Variants in BYSL observed in about 807,000 individuals in gnomAD.
The protein encoded by BYSL is bystin.
A neutral mutation model predicts 45.4 loss-of-function variants in BYSL; 21 were observed. The observed-to-expected ratio is 0.46, with a 90% CI of 0.33 to 0.67. BYSL has a LOEUF of 0.67. Ranked by LOEUF, BYSL falls within the 30% of genes least tolerant of loss-of-function variation. The pLI is 0.02. For missense variants in BYSL, 522 were observed against 578.5 expected (o/e 0.90, Z 1.00); for synonymous variants, 215 against 231.3 (o/e 0.93, Z 0.64).
chr6:41,921,139 C>G, upstream of BYSL: 1 of 1,352,764 alleles, frequency 7.4e-7, no homozygotes, highest in South Asian at 1.3e-5. Flanking sequence ...TCCGGAAATA[C>G]GTAAAAACAG....
chr6:41,926,306 T>G (rs569499943), intron 1 of BYSL, among the ~76,000 whole-genome samples: 10 of 152,214 alleles, frequency 6.6e-5, no homozygotes, highest in Non-Finnish European at 1.3e-4. Context: ...CCAGACTACC[T>G]GTCTTGGGCA....
chr6:41,922,587 A>G (rs923777110), intron 1 of BYSL, among the ~76,000 whole-genome samples: 10 of 152,208 alleles, frequency 6.6e-5, no homozygotes, highest in Non-Finnish European at 1.0e-4. Context: ...CTCACTTCTC[A>G]GTATCCTTGG....
chr6:41,930,067 C>T, intron 2 of BYSL, 65 bp from the exon 3 acceptor site: 4 of 1,597,982 alleles, frequency 2.5e-6, no homozygotes. Context: ...TCTGGAGCTT[C>T]CTGGACAGTG....
chr6:41,916,595 A>G (rs376504139), upstream of BYSL, among the ~76,000 whole-genome samples: 1 of 152,186 alleles, frequency 6.6e-6, no homozygotes, highest in East Asian at 1.9e-4. Context: ...AAATAAAATA[A>G]AATAAAATAA....
intron 3 of BYSL, 178 bp downstream of exon 3, chr6:41,930,448 A>T: frequency 1.6e-6 from 2 of 1,219,648 alleles, no homozygotes; most frequent in Non-Finnish European, 2.2e-6. Flanking sequence ...ATGACTTGGC[A>T]TCCTTGGGTC....
chr6:41,915,755 C>T, the BYSL span, among the ~76,000 whole-genome samples: 1 of 121,606 alleles, frequency 8.2e-6, no homozygotes, highest in Admixed American at 7.9e-5. Flanking sequence ...CCACTGCACT[C>T]CAGCCTGGGC....
At chr6:41,915,971 G>A in the BYSL span, among the ~76,000 whole-genome samples, 6 of 152,102 alleles carry the variant, frequency 3.9e-5, no homozygotes, top group Admixed American at 3.3e-4. Context: ...CTTTAGCCAG[G>A]AGTGGTGGCT....
intron 1 of BYSL, among the ~76,000 whole-genome samples, chr6:41,925,572 C>T (rs1775551723): frequency 2.0e-5 from 3 of 152,118 alleles, no homozygotes; most frequent in African/African-American, 7.2e-5. Context: ...ACCGTGTTAG[C>T]CAGGATGGTC....
chr6:41,917,028 C>T, upstream of BYSL: 1 of 1,408,418 alleles, frequency 7.1e-7, no homozygotes, highest in Admixed American at 1.8e-5. Flanking sequence ...CACAGCTCAT[C>T]AGGGCCAAAA....
chr6:41,930,514 TTA>T, intron 3 of BYSL, 119 bp from the exon 4 acceptor site: 2 of 1,363,458 alleles, frequency 1.5e-6, no homozygotes, highest in African/African-American at 2.9e-5. Context: ...TGGCACCTCC[TTA>T]TAGGTTATTG....
chr6:41,912,505 T>C, the BYSL span, among the ~76,000 whole-genome samples: 1 of 151,868 alleles, frequency 6.6e-6, no homozygotes, highest in Non-Finnish European at 1.5e-5. Context: ...TACAGGTGCC[T>C]GCCACCATGC....
chr6:41,920,968 T>TC, upstream of BYSL: 1 of 1,603,260 alleles, frequency 6.2e-7, no homozygotes. Context: ...CTTTCACAAC[T>TC]CCAAGCCCCG....
At chr6:41,931,889 C>T (rs1775646653) in intron 6 of BYSL, 59 bp downstream of exon 6, 13 of 1,516,744 alleles carry the variant, frequency 8.6e-6, no homozygotes, top group African/African-American at 4.1e-5. Context: ...GTGGAATTGC[C>T]AGGACTTGGG....
At position 41,923,595 on chromosome 6, in the gene BYSL, C is replaced by T. The variant is rs570627208; in HGVS notation, c.268+1765C>T. Reference sequence around the variant, plus strand: ...ACAGGCGTGAGCCACCGCACCTGGCCGCTAATTATTTAATTATTTGTAGAG... The same window carrying T: ...ACAGGCGTGAGCCACCGCACCTGGCTGCTAATTATTTAATTATTTGTAGAG... On this transcript the variant is annotated intron_variant, in intron 1 of 6. Transcript: ENST00000230340. Among the ~76,000 whole-genome samples the T allele has an allele frequency of 7.2e-5, 11 of 152,138 alleles. No individual in the cohort carries two copies. In the South Asian group the frequency reaches 1.5e-3, roughly 20 times the overall value.
chr6:41,917,948 G>A, upstream of BYSL: 1 of 303,614 alleles, frequency 3.3e-6, no homozygotes, highest in African/African-American at 2.2e-5. Flanking sequence ...CAGTCTTCAA[G>A]TTTATAATCT....
Position 41,932,507 on chromosome 6 carries a change from G to GT in BYSL, c.1116dup (p.Glu373Ter). Reference sequence around the variant, plus strand: ...TTCCTGGGGTTCCGGACAGAGAAGCGTGAACTGCCTGTGCTGTGGCACCAG... The same window carrying GT: ...TTCCTGGGGTTCCGGACAGAGAAGCGTTGAACTGCCTGTGCTGTGGCACCAG... On this transcript the variant is annotated frameshift_variant, in exon 7 of 7. Coordinates refer to ENST00000230340, the MANE Select transcript of BYSL (RefSeq NM_004053.4). LOFTEE classifies it high-confidence loss of function. The surrounding 1 kb of genome is among the most constrained non-coding windows in gnomAD (Gnocchi z 4.7). The GT allele has an allele frequency of 6.2e-7, 1 of 1,614,198 alleles. No homozygotes were observed. The highest frequency in any genetic ancestry group is 1.3e-5 in the African/African-American group (1 of 75,048).
chr6:41,917,937 G>A (rs994192885), upstream of BYSL: 3 of 314,124 alleles, frequency 9.6e-6, no homozygotes, highest in South Asian at 2.5e-5. Context: ...AAAAAGAAAA[G>A]CAGTCTTCAA....
chr6:41,930,799 G>A (rs1422459116), intron 4 of BYSL, 31 bp downstream of exon 4: 3 of 1,599,028 alleles, frequency 1.9e-6, no homozygotes, highest in Non-Finnish European at 2.6e-6. Flanking sequence ...GGGGCCTTGG[G>A]TTTATAGGTG....
chr6:41,926,531 A>G (rs1775565923), intron 1 of BYSL, among the ~76,000 whole-genome samples: 1 of 151,514 alleles, frequency 6.6e-6, no homozygotes, highest in African/African-American at 2.4e-5. Context: ...GCTCACTGCA[A>G]CCTCCACCTC....
Sources: gnomAD v4.1 joint callset for allele counts (sites outside exome capture counted in the v4.1 genomes callset) on GRCh38, gnomAD v4.1.1 for gene constraint, Gnocchi (gnomAD v3.1) non-coding constraint, MANE v1.5 for transcripts, NCBI Gene and HGNC (gene_info 2026-07-23, HGNC 2026-07-21) for gene names.